SCAF11: variants seen among roughly 807,000 people sequenced by gnomAD.
The protein encoded by SCAF11 is protein SCAF11.
In SCAF11, 47 loss-of-function variants were observed where a neutral mutation model predicts 140.5. That is an observed-to-expected ratio of 0.33 (90% CI 0.26 to 0.43). The LOEUF (loss-of-function observed/expected upper bound fraction) is 0.43, where lower values mean the gene tolerates loss of function less well. Ranked by LOEUF, SCAF11 falls within the 20% of genes least tolerant of loss-of-function variation. The probability of loss-of-function intolerance (pLI) is 1.00; values close to 1 mark genes in which losing one functional copy is unlikely to be tolerated. For missense variants in SCAF11, 1,645 were observed against 1,705.1 expected, an observed-to-expected ratio of 0.96 and a Z score of 0.62; for synonymous variants, 557 against 579.4, an observed-to-expected ratio of 0.96 and a Z score of 0.55.
At position 45,966,388 on chromosome 12, in the gene SCAF11, G is replaced by C. The variant is rs75460970; in HGVS notation, c.-21-2200C>G. Among the ~76,000 whole-genome samples, 1,029 of 151,408 alleles carry C rather than the reference G, an allele frequency of 6.8e-3. 4 individuals carry two copies. Among genetic ancestry groups the C allele is most frequent in the Non-Finnish European group, 0.011 (720 of 67,892 alleles). Reference sequence around the variant, plus strand: ...TTATAGAATACTATAGGTATACTAGGCAATTCTCTTAGTACTGAACAAGGC... The same window carrying C: ...TTATAGAATACTATAGGTATACTAGCCAATTCTCTTAGTACTGAACAAGGC... On this transcript the variant is annotated intron_variant, in intron 1 of 14. Transcript: ENST00000369367.
At chr12:45,949,965 G>A (rs1367488448) in intron 4 of SCAF11, among the ~76,000 whole-genome samples, 2 of 152,092 alleles carry the variant, frequency 1.3e-5, no homozygotes, top group African/African-American at 4.8e-5. Context: ...TTAAGAAAAG[G>A]AACAGGAGGG....
intron 5 of SCAF11, among the ~76,000 whole-genome samples, chr12:45,945,927 A>C (rs1299037727): frequency 6.6e-6 from 1 of 151,928 alleles, no homozygotes; most frequent in East Asian, 1.9e-4. Context: ...CCGGATCTCA[A>C]GCGATTCTCC....
At chr12:45,922,635 A>C (rs1355640005) in intron 13 of SCAF11, 53 bp from the exon 14 acceptor site, 17 of 1,513,226 alleles carry the variant, frequency 1.1e-5, no homozygotes, top group Non-Finnish European at 1.5e-5. Flanking sequence ...CTGCTCTCAC[A>C]AAATCCCAAA....
Position 45,990,500 on chromosome 12 carries a change from T to G in SCAF11, c.-169A>C. On this transcript the variant is annotated 5_prime_UTR_variant, in exon 1 of 15. Coordinates refer to ENST00000369367, the MANE Select transcript of SCAF11 (RefSeq NM_004719.3). ...TCTCTAGGACACTGACTCCGCTGGC[T>G]CGGTCCGGAGGCGGCGGCGAAGCAG... The G allele has an allele frequency of 2.4e-6, 3 of 1,229,428 alleles. No individual in the cohort carries two copies. Among genetic ancestry groups the G allele is most frequent in the Non-Finnish European group, 3.0e-6 (3 of 987,194 alleles). The allele number at this position is 1,229,428 out of a possible 1,614,324, so 76.2% of individuals were successfully genotyped here.
chr12:45,969,246 G>A (rs1946020228), intron 1 of SCAF11, among the ~76,000 whole-genome samples: 1 of 152,128 alleles, frequency 6.6e-6, no homozygotes, highest in African/African-American at 2.4e-5. Flanking sequence ...CTCAAGCCGC[G>A]GGGAATCAGA....
intron 1 of SCAF11, among the ~76,000 whole-genome samples, chr12:45,988,552 C>T (rs937176113): frequency 2.0e-5 from 3 of 152,206 alleles, no homozygotes; most frequent in Admixed American, 1.3e-4. Flanking sequence ...GATCTTAACA[C>T]ACTAGCCCTA....
intron 1 of SCAF11, among the ~76,000 whole-genome samples, chr12:45,977,538 A>G (rs1026153068): frequency 6.6e-6 from 1 of 152,176 alleles, no homozygotes; most frequent in Admixed American, 6.6e-5. Flanking sequence ...ACAGAACTAT[A>G]CACCTCAAAA....
Position 45,927,126 on chromosome 12 carries a change from T to C in SCAF11, c.2575A>G (p.Arg859Gly), listed in dbSNP as rs1944892840. The C allele has an allele frequency of 6.2e-7, 1 of 1,614,076 alleles. No homozygotes were observed. The highest frequency in any genetic ancestry group is 1.3e-5 in the African/African-American group (1 of 74,940). ...GGAGACCGAGACTGAGATTGCCTCC[T>C]TTCTCTTGCAATATCCTTTTTTGGG... ...QSPKKDIARERRQSQSRSPKR... is the reference protein window; with the variant it reads ...QSPKKDIAREGRQSQSRSPKR... The change falls in exon 11 of 15, where the codon AGG (arginine) becomes GGG (glycine). Residue 859 changes from arginine to glycine, a missense_variant. By Grantham distance (125) the Arg-to-Gly change is moderately radical. Coordinates refer to ENST00000369367, the MANE Select transcript of SCAF11 (RefSeq NM_004719.3).
Position 45,928,650 on chromosome 12 carries a change from T to A in SCAF11, c.1051A>T (p.Asn351Tyr), listed in dbSNP as rs758970344. ...GGAACACTTAAAGATGGATTACTGTTACCTGGGGCATCACACCCAGAATTG... is the reference window on the plus strand; with the variant it reads ...GGAACACTTAAAGATGGATTACTGTAACCTGGGGCATCACACCCAGAATTG... Reference protein sequence around the residue: ...SDNSGCDAPGNSNPSLSVPSS... With the variant: ...SDNSGCDAPGYSNPSLSVPSS... The change falls in exon 11 of 15, where the codon AAC becomes TAC. Residue 351 changes from asparagine (N) to tyrosine (Y), a missense_variant. Around this residue, in one of 2 missense-constraint regions of SCAF11, gnomAD observed 1,582 missense variants for 1,609.2 expected, o/e 0.98. Coordinates refer to ENST00000369367, the MANE Select transcript of SCAF11 (RefSeq NM_004719.3). The A allele has an allele frequency of 1.9e-6, 3 of 1,614,164 alleles. No homozygotes were observed. The highest frequency in any genetic ancestry group is 2.2e-5 in the South Asian group (2 of 91,082).
At chr12:45,961,385 A>G in intron 3 of SCAF11, 1 of 707,232 alleles carries the variant, frequency 1.4e-6, no homozygotes, top group East Asian at 2.7e-5. Flanking sequence ...ATATTATCCT[A>G]TTAAGCACAG....
rs752510406 is a variant in SCAF11 at position 45,934,183 on chromosome 12, C to T, written c.625G>A (p.Ala209Thr). Residue 209 changes from alanine (A) to threonine (T), a missense_variant, in exon 8 of 15, where the codon GCT (alanine) becomes ACT (threonine). Transcript: ENST00000369367. ...AAAGTAGAAAATACTAACCAATAAG[C>T]TCTATAGGTAAAGGAAGATTCTCCA... ...HSGESSFTYR[A>T]YCTEFIEASE... The T allele has an allele frequency of 2.6e-6, 4 of 1,533,172 alleles. No individual in the cohort carries two copies. The South Asian group carries it at 4.6e-5, about 18-fold the overall frequency. 95.0% of individuals were successfully genotyped at this position (1,533,172 alleles called of 1,614,324 possible).
In SCAF11 at chr12:45,969,905, T is replaced by G. The variant is rs150921230; in HGVS notation, c.-21-5717A>C. ...GTGCACACCACCACATTCAACCATT[T>G]TTTTTTTCTTAAGACGGAGTCTCGC... is the stretch of plus-strand genomic sequence containing the variant. On this transcript the variant is annotated intron_variant, in intron 1 of 14. Transcript: ENST00000369367. Among the ~76,000 whole-genome samples, 799 of 151,922 alleles carry G rather than the reference T, an allele frequency of 5.3e-3. 12 individuals are homozygous for G. The highest frequency in any genetic ancestry group is 0.018 in the African/African-American group (743 of 41,424).
chr12:45,974,357 T>C, intron 1 of SCAF11: 1 of 392,196 alleles, frequency 2.5e-6, no homozygotes, highest in Non-Finnish European at 5.1e-6. Context: ...GAGATAACAT[T>C]CAAGTATGCC....
intron 3 of SCAF11, among the ~76,000 whole-genome samples, chr12:45,953,670 T>C (rs1196705204): frequency 2.6e-5 from 4 of 152,178 alleles, no homozygotes; most frequent in African/African-American, 9.7e-5. Flanking sequence ...AAAGGTTATG[T>C]GGTAATAAAT....
At chr12:45,990,902 G>A (rs11574955), upstream of SCAF11, among the ~76,000 whole-genome samples, 366 of 152,364 alleles carry the variant, frequency 2.4e-3, 2 homozygotes, top group African/African-American at 8.4e-3. Context: ...CCCACACTGC[G>A]GATGGTGCGC....
In SCAF11 at chr12:45,927,552, T is replaced by G; in HGVS notation, c.2149A>C (p.Ile717Leu). ...CAAAATGAATCACACTCCATAGGTA[T>G]CATTTCATTGTTGTCCTCACTAAAA... ...KHFSEDNNEM[I>L]PMECDSFCSD... The change falls in exon 11 of 15, where the codon ATA (isoleucine) becomes CTA (leucine). Residue 717 changes from isoleucine to leucine, a missense_variant. Transcript: ENST00000369367. 1.2e-6 allele frequency: 2 copies of G among 1,613,742 alleles called. No homozygotes were observed. The highest frequency in any genetic ancestry group is 1.7e-6 in the Non-Finnish European group (2 of 1,179,944).
At chr12:45,975,262 C>T (rs1398739245) in intron 1 of SCAF11, 2 of 152,230 alleles carry the variant, frequency 1.3e-5, no homozygotes, top group African/African-American at 4.8e-5. Flanking sequence ...TAGTCACCAG[C>T]TGCATTAGCC....
intron 3 of SCAF11, among the ~76,000 whole-genome samples, chr12:45,956,795 T>C (rs2136596406): frequency 6.6e-6 from 1 of 152,328 alleles, no homozygotes; most frequent in Admixed American, 6.5e-5. Flanking sequence ...ATTTTACATA[T>C]TCTGACATTT....
At chr12:45,981,664 G>A (rs1169815065) in intron 1 of SCAF11, among the ~76,000 whole-genome samples, 2 of 152,054 alleles carry the variant, frequency 1.3e-5, no homozygotes, top group Non-Finnish European at 2.9e-5. Context: ...GAGTGTGGTG[G>A]CATGCCTGTA....
Sources: gnomAD v4.1 joint callset for allele counts (sites outside exome capture counted in the v4.1 genomes callset) on GRCh38, gnomAD v4.1.1 for gene constraint, gnomAD v4.1.1 regional missense constraint, MANE v1.5 for transcripts, NCBI Gene and HGNC (gene_info 2026-07-23, HGNC 2026-07-21) for gene names.